The following SGCZ variants were observed in gnomAD, a reference collection of about 807,000 sequenced individuals.
SGCZ encodes zeta-sarcoglycan.
A neutral mutation model predicts 41.3 loss-of-function variants in SGCZ; 40 were observed. The observed-to-expected ratio is 0.97, with a 90% CI of 0.75 to 1.26. SGCZ has a LOEUF of 1.26. Ranked by LOEUF, SGCZ falls within the 50% of genes most tolerant of loss-of-function variation. The pLI is 0.00. For missense variants in SGCZ, 552 were observed against 369.8 expected, an observed-to-expected ratio of 1.49 and a Z score of -4.04; for synonymous variants, 206 against 137.5, an observed-to-expected ratio of 1.50 and a Z score of -3.49.
At chr8:14,138,633 A>C (rs1585169760) in intron 5 of SGCZ, among the ~76,000 whole-genome samples, 1 of 152,336 alleles carries the variant, frequency 6.6e-6, no homozygotes, top group East Asian at 1.9e-4. Context: ...TTCAACAAGA[A>C]GAGCTAACTA....
At chr8:15,006,520 G>A (rs1453037826) in intron 1 of SGCZ, among the ~76,000 whole-genome samples, 2 of 152,144 alleles carry the variant, frequency 1.3e-5, no homozygotes, top group Non-Finnish European at 1.5e-5. Flanking sequence ...GGGAAAGCCT[G>A]ATCATTAGCC....
chr8:14,949,835 T>G (rs149050905), intron 1 of SGCZ, among the ~76,000 whole-genome samples: 2 of 152,100 alleles, frequency 1.3e-5, no homozygotes, highest in Non-Finnish European at 2.9e-5. Context: ...TTATAGTCAA[T>G]ATAATAATTC....
At chr8:14,951,737 A>C (rs944533838) in intron 1 of SGCZ, among the ~76,000 whole-genome samples, 1 of 152,084 alleles carries the variant, frequency 6.6e-6, no homozygotes, top group African/African-American at 2.4e-5. Flanking sequence ...TTTCAAGAAC[A>C]TGAGATCTTA....
At chr8:14,350,209 G>A (rs1803039345) in intron 2 of SGCZ, among the ~76,000 whole-genome samples, 1 of 151,014 alleles carries the variant, frequency 6.6e-6, no homozygotes, top group South Asian at 2.1e-4. Context: ...TTTATGATGG[G>A]AACAGTTTAT....
chr8:15,086,785 A>C (rs997107588), intron 1 of SGCZ, among the ~76,000 whole-genome samples: 2 of 152,108 alleles, frequency 1.3e-5, no homozygotes, highest in African/African-American at 4.8e-5. Context: ...CACTGAAGCA[A>C]ATTATTTTTT....
chr8:15,049,322 T>G (rs1313893738), intron 1 of SGCZ, among the ~76,000 whole-genome samples: 4 of 152,042 alleles, frequency 2.6e-5, no homozygotes, highest in African/African-American at 7.2e-5. Context: ...GTTTGGTCTA[T>G]TCAACAATCC....
At chr8:15,060,739 A>G (rs78493615) in intron 1 of SGCZ, among the ~76,000 whole-genome samples, 126 of 151,170 alleles carry the variant, frequency 8.3e-4, no homozygotes, top group Non-Finnish European at 1.5e-3. Flanking sequence ...TGGGACCTGT[A>G]GGTAGTCAAC....
At chr8:15,112,865 C>A (rs10097259) in intron 1 of SGCZ, among the ~76,000 whole-genome samples, 111 of 152,298 alleles carry the variant, frequency 7.3e-4, no homozygotes, top group African/African-American at 2.4e-3. Flanking sequence ...CTTACAGATT[C>A]ATGATCAAAT....
chr8:14,247,371 T>C (rs373018584), intron 3 of SGCZ, among the ~76,000 whole-genome samples: 2 of 152,160 alleles, frequency 1.3e-5, no homozygotes, highest in Admixed American at 6.5e-5. Context: ...TTGATGAATA[T>C]GTATCCAGAA....
chr8:14,844,716 A>AT (rs1165955606), intron 1 of SGCZ, among the ~76,000 whole-genome samples: 5 of 152,102 alleles, frequency 3.3e-5, no homozygotes, highest in African/African-American at 1.2e-4. Context: ...TAAGGTCCTT[A>AT]TTTTTGCTTC....
At chr8:14,746,944 G>GTAAAA (rs1799354383) in intron 1 of SGCZ, among the ~76,000 whole-genome samples, 1 of 152,112 alleles carries the variant, frequency 6.6e-6, no homozygotes, top group African/African-American at 2.4e-5. Flanking sequence ...CATGGAATGG[G>GTAAAA]TTCAAAGATA....
chr8:14,332,883 T>C (rs763708516), intron 2 of SGCZ, among the ~76,000 whole-genome samples: 1 of 150,340 alleles, frequency 6.7e-6, no homozygotes, highest in South Asian at 2.1e-4. Context: ...GGTTTGTATA[T>C]ATTATATGTG....
At chr8:14,773,117 A>G (rs1800299950) in intron 1 of SGCZ, among the ~76,000 whole-genome samples, 2 of 152,242 alleles carry the variant, frequency 1.3e-5, no homozygotes, top group South Asian at 4.1e-4. Flanking sequence ...AATGATCACC[A>G]TTCTAACTGG....
At chr8:14,149,903 G>A (rs1803646609) in intron 5 of SGCZ, among the ~76,000 whole-genome samples, 1 of 151,970 alleles carries the variant, frequency 6.6e-6, no homozygotes, top group Non-Finnish European at 1.5e-5. Flanking sequence ...TTCAACAAAG[G>A]TGCCAAGAAC....
At chr8:14,498,645 T>A (rs1802061241) in intron 2 of SGCZ, among the ~76,000 whole-genome samples, 1 of 152,114 alleles carries the variant, frequency 6.6e-6, no homozygotes, top group Admixed American at 6.6e-5. Flanking sequence ...ATTCATGAGC[T>A]ATTATTTTAG....
intron 1 of SGCZ, among the ~76,000 whole-genome samples, chr8:14,560,635 T>G (rs987889804): frequency 1.3e-5 from 2 of 152,148 alleles, no homozygotes; most frequent in African/African-American, 4.8e-5. Context: ...GTTCTATTTC[T>G]ACAAATTATA....
chr8:14,201,138 T>C (rs1805441360), intron 4 of SGCZ, among the ~76,000 whole-genome samples: 1 of 152,146 alleles, frequency 6.6e-6, no homozygotes, highest in African/African-American at 2.4e-5. Context: ...TTGCTTTGGA[T>C]ATAGAATGAA....
chr8:14,314,625 G>C (rs1350214949), intron 3 of SGCZ, among the ~76,000 whole-genome samples: 2 of 152,068 alleles, frequency 1.3e-5, no homozygotes, highest in East Asian at 3.9e-4. Flanking sequence ...AAAAGAATTT[G>C]AACTACAATC....
At chr8:14,962,633 T>C (rs1044309159) in intron 1 of SGCZ, among the ~76,000 whole-genome samples, 10 of 152,156 alleles carry the variant, frequency 6.6e-5, no homozygotes, top group African/African-American at 2.4e-4. Flanking sequence ...TCTGAGATAG[T>C]AACTAAGTAA....
Sources: allele counts gnomAD v4.1 joint callset (sites outside exome capture counted in the v4.1 genomes callset), GRCh38; gene constraint gnomAD v4.1.1; transcripts MANE v1.5; gene names NCBI Gene and HGNC (gene_info 2026-07-23, HGNC 2026-07-21).